Variants in MCF2L2 observed in about 807,000 individuals in gnomAD.
The protein encoded by MCF2L2 is probable guanine nucleotide exchange factor MCF2L2.
In MCF2L2, 102 loss-of-function variants were observed where a neutral mutation model predicts 150.2. That is an observed-to-expected ratio of 0.68 (90% CI 0.58 to 0.80). The LOEUF (loss-of-function observed/expected upper bound fraction) is 0.80, where lower values mean the gene tolerates loss of function less well. Ranked by LOEUF, MCF2L2 falls within the 30% of genes least tolerant of loss-of-function variation. The pLI, the probability that MCF2L2 is intolerant of heterozygous loss-of-function variation, is 0.00. For missense variants in MCF2L2, 1,256 were observed against 1,372.8 expected (o/e 0.91, Z 1.34); for synonymous variants, 465 against 491.3 (o/e 0.95, Z 0.71).
Position 183,278,193 on chromosome 3 carries a change from A to AATAT in MCF2L2, c.1777-1240_1777-1237dup, listed in dbSNP as rs201638839. On this transcript the variant is annotated intron_variant, in intron 14 of 29. Transcript: ENST00000328913. ...AGTGAGACCCTGTCTCAAAAGAAAA[A>AATAT]ATATATATATATATATATTTTTTAT... Among the ~76,000 whole-genome samples, 37 of 140,418 alleles carry AATAT rather than the reference A, an allele frequency of 2.6e-4. No individual in the cohort carries two copies. The South Asian group carries it at 5.5e-3, about 21-fold the overall frequency. The allele number at this position is 140,418 out of a possible 152,430, so 92.1% of individuals were successfully genotyped here. A position where few individuals can be genotyped will look rare whatever the true frequency, so the allele number is the denominator to read the frequency against.
At chr3:183,278,301 G>C (rs1229092947) in intron 14 of MCF2L2, among the ~76,000 whole-genome samples, 2 of 151,612 alleles carry the variant, frequency 1.3e-5, no homozygotes, top group African/African-American at 4.8e-5. Context: ...GTGTGTGTGT[G>C]TGTGTGTTAT....
intron 1 of MCF2L2, among the ~76,000 whole-genome samples, chr3:183,423,631 TG>T (rs377647628): frequency 6.5e-5 from 9 of 138,858 alleles, no homozygotes; most frequent in Non-Finnish European, 1.1e-4. Context: ...AAATTTTATT[TG>T]TTTTTTTTTT....
At chr3:183,211,461 T>C (rs1722720766) in intron 22 of MCF2L2, among the ~76,000 whole-genome samples, 1 of 152,214 alleles carries the variant, frequency 6.6e-6, no homozygotes, top group Admixed American at 6.5e-5. Context: ...TATGACGGTA[T>C]TGCCCATCTC....
intron 7 of MCF2L2, among the ~76,000 whole-genome samples, chr3:183,312,609 A>G (rs1041973806): frequency 6.6e-6 from 1 of 152,188 alleles, no homozygotes; most frequent in African/African-American, 2.4e-5. Context: ...TCTAAAACAA[A>G]TCAAGGGATC....
chr3:183,309,921 A>G lies in MCF2L2; in HGVS notation c.994-86T>C. On this transcript the variant is annotated intron_variant, in intron 9 of 29. Coordinates refer to ENST00000328913, the MANE Select transcript of MCF2L2 (RefSeq NM_015078.4). ...GTTTGTTATGCTTCAAGAAAACTCA[A>G]AATTCCAAAAAGGATTCAAGACTTG... 2.0e-6 allele frequency: 3 copies of G among 1,517,436 alleles called. 1 individual carries two copies. 94.0% of individuals were successfully genotyped at this position (1,517,436 alleles called of 1,614,324 possible).
At chr3:183,328,749 C>T (rs1475079638) in intron 5 of MCF2L2, among the ~76,000 whole-genome samples, 1 of 152,128 alleles carries the variant, frequency 6.6e-6, no homozygotes, top group East Asian at 1.9e-4. Flanking sequence ...ATCCAACCTA[C>T]AAACTGAGAG....
intron 1 of MCF2L2, chr3:183,400,655 G>T: frequency 3.3e-6 from 1 of 305,606 alleles, no homozygotes; most frequent in Non-Finnish European, 6.5e-6. Context: ...AGTGCTCACA[G>T]GATTACAGCC....
At chr3:183,352,036 G>A (rs559669298) in intron 3 of MCF2L2, among the ~76,000 whole-genome samples, 19 of 152,274 alleles carry the variant, frequency 1.2e-4, no homozygotes, top group Non-Finnish European at 1.9e-4. Flanking sequence ...GATATGATAA[G>A]ATACAACCAA....
chr3:183,233,503 T>C (rs576375537), intron 15 of MCF2L2, among the ~76,000 whole-genome samples: 10 of 152,156 alleles, frequency 6.6e-5, no homozygotes, highest in South Asian at 2.1e-4. Flanking sequence ...AACACTGATA[T>C]GACAGAGGCC....
intron 25 of MCF2L2, among the ~76,000 whole-genome samples, chr3:183,195,624 T>A (rs978228567): frequency 4.6e-5 from 7 of 152,064 alleles, no homozygotes; most frequent in Non-Finnish European, 7.4e-5. Context: ...AGGGAAAAAA[T>A]CATGAGTCCC....
In MCF2L2 at chr3:183,249,083, A is replaced by AT. The variant is rs144595322; in HGVS notation, c.1863-18067dup. ...ATAGCTGTGACTAAACTAAGTGCCAATTGTCTTTTAAAATATGTGTTAATC... is the reference window on the plus strand; with the variant it reads ...ATAGCTGTGACTAAACTAAGTGCCAATTTGTCTTTTAAAATATGTGTTAATC... On this transcript the variant is annotated intron_variant, in intron 15 of 29. Coordinates refer to ENST00000328913, the MANE Select transcript of MCF2L2 (RefSeq NM_015078.4). Among the ~76,000 whole-genome samples the AT allele has an allele frequency of 4.6e-3, 694 of 152,236 alleles. 3 individuals are homozygous for AT. Among genetic ancestry groups the AT allele is most frequent in the African/African-American group, 0.016 (667 of 41,534 alleles).
chr3:183,400,373 C>A, intron 1 of MCF2L2: 1 of 456,006 alleles, frequency 2.2e-6, no homozygotes, highest in Non-Finnish European at 4.4e-6. Context: ...TATATTCCAG[C>A]CTGATGCAAC....
At chr3:183,314,795 G>A (rs1235232775) in intron 7 of MCF2L2, among the ~76,000 whole-genome samples, 11 of 143,250 alleles carry the variant, frequency 7.7e-5, no homozygotes, top group Middle Eastern at 4.3e-3. Flanking sequence ...TAGAATCTTT[G>A]ATTAAAAGGT....
At chr3:183,250,511 C>T (rs1321440004) in intron 15 of MCF2L2, among the ~76,000 whole-genome samples, 11 of 151,034 alleles carry the variant, frequency 7.3e-5, no homozygotes, top group South Asian at 6.2e-4. Context: ...CACTTGAACC[C>T]GGGAGGCAGA....
intron 2 of MCF2L2, among the ~76,000 whole-genome samples, chr3:183,379,640 G>T (rs999970533): frequency 6.6e-6 from 1 of 152,158 alleles, no homozygotes; most frequent in Non-Finnish European, 1.5e-5. Context: ...GAGAGTTACT[G>T]TGTAAAAGGA....
At chr3:183,385,731 C>T (rs767569041) in intron 2 of MCF2L2, among the ~76,000 whole-genome samples, 5 of 152,130 alleles carry the variant, frequency 3.3e-5, no homozygotes, top group Non-Finnish European at 5.9e-5. Flanking sequence ...CTCCCAGTCC[C>T]CTTTTCCCTG....
At chr3:183,420,882 C>T (rs898647308) in intron 1 of MCF2L2, among the ~76,000 whole-genome samples, 2 of 152,196 alleles carry the variant, frequency 1.3e-5, no homozygotes, top group Non-Finnish European at 2.9e-5. Context: ...CCCACCAGGT[C>T]CCTCCCTTAA....
intron 26 of MCF2L2, among the ~76,000 whole-genome samples, chr3:183,193,643 G>C (rs190705696): frequency 6.6e-6 from 1 of 152,252 alleles, no homozygotes; most frequent in Non-Finnish European, 1.5e-5. Flanking sequence ...AAATCTTAAA[G>C]GGGGAAGAGA....
intron 3 of MCF2L2, among the ~76,000 whole-genome samples, chr3:183,346,911 C>T (rs1466108216): frequency 3.9e-5 from 6 of 152,134 alleles, no homozygotes; most frequent in Non-Finnish European, 5.9e-5. Flanking sequence ...TAAGAGAGGA[C>T]CCAAACAAAT....
Sources: gnomAD v4.1 joint callset for allele counts (sites outside exome capture counted in the v4.1 genomes callset) on GRCh38, gnomAD v4.1.1 for gene constraint, MANE v1.5 for transcripts, NCBI Gene and HGNC (gene_info 2026-07-23, HGNC 2026-07-21) for gene names.